The following STAB2 variants were observed in gnomAD, a reference collection of about 807,000 sequenced individuals.
STAB2 encodes the protein stabilin 2, also known as stabilin-2.
Under a neutral mutation model 338.1 loss-of-function variants are expected in STAB2, and 288 were observed. That is an observed-to-expected ratio of 0.85 (90% CI 0.77 to 0.94). The LOEUF (loss-of-function observed/expected upper bound fraction) is 0.94, where lower values mean the gene tolerates loss of function less well. Among genes scored for constraint, STAB2 ranks in the 40% least tolerant of loss-of-function variants. STAB2 has a pLI of 0.00. For missense variants in STAB2, 3,141 were observed against 3,210.1 expected, an observed-to-expected ratio of 0.98 and a Z score of 0.52; for synonymous variants, 1,202 against 1,193.3, an observed-to-expected ratio of 1.01 and a Z score of -0.15.
chr12:103,759,362 A>C, intron 65 of STAB2, 89 bp downstream of exon 65: 1 of 1,522,350 alleles, frequency 6.6e-7, no homozygotes, highest in Non-Finnish European at 8.8e-7. Context: ...GATGGCAACT[A>C]TTATGCAAAC....
chr12:103,739,759 A>T (rs1837659632), intron 54 of STAB2, among the ~76,000 whole-genome samples: 1 of 152,166 alleles, frequency 6.6e-6, no homozygotes, highest in African/African-American at 2.4e-5. Context: ...AAATAGCTGC[A>T]TTTTGTTGGC....
At chr12:103,627,104 T>A (rs1432948976) in intron 5 of STAB2, among the ~76,000 whole-genome samples, 2 of 152,152 alleles carry the variant, frequency 1.3e-5, no homozygotes, top group African/African-American at 2.4e-5. Context: ...CTTTTACGGA[T>A]GAAGAAGCAG....
At chr12:103,742,369 G>A (rs892614675) in intron 55 of STAB2, 36 bp from the exon 56 acceptor site, 1 of 1,609,026 alleles carries the variant, frequency 6.2e-7, no homozygotes, top group Non-Finnish European at 8.5e-7. Flanking sequence ...CTGGCTTTGG[G>A]AGACTGTTGA....
chr12:103,667,653 C>T (rs1875275418), intron 19 of STAB2, among the ~76,000 whole-genome samples: 1 of 152,120 alleles, frequency 6.6e-6, no homozygotes, highest in South Asian at 2.1e-4. Context: ...CCTGAGATTC[C>T]CAAAAGGACT....
At chr12:103,636,196 C>G (rs567882002) in intron 6 of STAB2, among the ~76,000 whole-genome samples, 3 of 128,644 alleles carry the variant, frequency 2.3e-5, no homozygotes, top group Admixed American at 1.6e-4. Context: ...ATCCATCCCC[C>G]CTCCCCCCAC....
rs190468477 is a variant in STAB2 at position 103,690,011 on chromosome 12, G to A, written c.3182+29G>A. ...GGTGTTACTTATTTTATTTTACATC[G>A]TATCTGAATGGCATCTGTGTAAACA... On this transcript the variant is annotated intron_variant, in intron 29 of 68. Transcript: ENST00000388887. 50 of 1,604,258 alleles carry A rather than the reference G, an allele frequency of 3.1e-5. 1 individual carries two copies. Among genetic ancestry groups the A allele is most frequent in the African/African-American group, 4.0e-5 (3 of 74,500 alleles).
chr12:103,766,093 C>G, intron 68 of STAB2, 193 bp from the exon 69 acceptor site: 2 of 734,708 alleles, frequency 2.7e-6, no homozygotes, highest in Non-Finnish European at 4.8e-6. Flanking sequence ...GCAGGAGAGA[C>G]TAAAACAGGT....
At chr12:103,741,938 C>T (rs1414518081) in intron 55 of STAB2, among the ~76,000 whole-genome samples, 1 of 152,236 alleles carries the variant, frequency 6.6e-6, no homozygotes, top group Non-Finnish European at 1.5e-5. Flanking sequence ...CACCCTCCAT[C>T]ACTAAAGTGT....
rs746468070 is a variant in STAB2, at chr12:103,685,459, T to TGTGC, written c.2997+376_2997+377insTGCG. ...GTGTGTGTGTGTGTGTGTGTGCGCG[T>TGTGC]GCGTGTGTGTGTGCGTGCGCGCATG... On this transcript the variant is annotated intron_variant, in intron 27 of 68. Transcript: ENST00000388887. 2.7e-4 allele frequency among the ~76,000 whole-genome samples: 37 copies of TGTGC among 135,536 alleles called. 1 individual carries two copies. Among genetic ancestry groups the TGTGC allele is most frequent in the Non-Finnish European group, 3.3e-4 (20 of 60,130 alleles). 88.9% of individuals were successfully genotyped at this position (135,536 alleles called of 152,430 possible).
Position 103,728,962 on chromosome 12 carries a change from C to A in STAB2, c.5049C>A (p.Leu1683=). Residue 1683 remains leucine (L), a synonymous_variant, in exon 48 of 69, where the codon CTC becomes CTA. Coordinates refer to ENST00000388887, the MANE Select transcript of STAB2 (RefSeq NM_017564.10). ...NLKLISNATS[L]QGEPIVISVS... ...AATTGATCTCAAATGCTACTTCCCT[C>A]CAAGGAGAGCCAATAGTCATCTCCG... 1 of 1,613,990 alleles carries A rather than the reference C, an allele frequency of 6.2e-7. No homozygotes were observed. Among genetic ancestry groups the A allele is most frequent in the Admixed American group, 1.7e-5 (1 of 60,016 alleles).
Position 103,621,986 on chromosome 12 carries a change from C to T in STAB2, c.418-56C>T, listed in dbSNP as rs1957309173. On this transcript the variant is annotated intron_variant, in intron 4 of 68. Transcript: ENST00000388887. ...TGCTGAGTTGGAAATCCAAGGCCTT[C>T]CTTGGTACCATGGGTCACCTTGGGT... The T allele has an allele frequency of 2.5e-6, 4 of 1,576,222 alleles. No individual in the cohort carries two copies. The African/African-American group carries it at 4.1e-5, about 16-fold the overall frequency.
At chr12:103,670,888 G>C in intron 22 of STAB2, 81 bp downstream of exon 22, 2 of 1,143,776 alleles carry the variant, frequency 1.7e-6, no homozygotes, top group Non-Finnish European at 2.6e-6. Flanking sequence ...GTGCAGGGCT[G>C]GTGTCTCAGG....
chr12:103,755,292 A>G lies in STAB2; in HGVS notation c.6715-10A>G, dbSNP rs747206479. The G allele has an allele frequency of 1.2e-6, 2 of 1,613,372 alleles. No homozygotes were observed. Among genetic ancestry groups the G allele is most frequent in the Non-Finnish European group, 1.7e-6 (2 of 1,179,844 alleles). The stretch of plus-strand genomic sequence containing the variant: ...GCAGCTGACCCATGGCCCTGTCTGT[A>G]TCCCTGCAGGCCAAGTACCACCTGT... On this transcript the variant is annotated splice_polypyrimidine_tract_variant and intron_variant, in intron 61 of 68. Coordinates refer to ENST00000388887, the MANE Select transcript of STAB2 (RefSeq NM_017564.10).
chr12:103,711,034 G>C (rs1879807381), intron 39 of STAB2, among the ~76,000 whole-genome samples: 1 of 152,100 alleles, frequency 6.6e-6, no homozygotes, highest in South Asian at 2.1e-4. Flanking sequence ...TTATAGTTTT[G>C]CTTGTTTACA....
At chr12:103,668,970 GGCCCACCCTCT>G in intron 20 of STAB2, 1 of 413,286 alleles carries the variant, frequency 2.4e-6, no homozygotes, top group Non-Finnish European at 4.3e-6. Flanking sequence ...TTCCCCACAT[GGCCCACCCTCT>G]GCCTGTGGCT....
rs1422767588 is a variant in STAB2 at position 103,660,774 on chromosome 12, A to T, written c.1869+11A>T. ...AACACCACCGACAATGTAAGTGAAA[A>T]CTCAACCACCACCAGCATCACTTGA... On this transcript the variant is annotated intron_variant, in intron 17 of 68. Transcript: ENST00000388887. 6.2e-7 allele frequency: 1 copy of T among 1,613,290 alleles called. No homozygotes were observed. The highest frequency in any genetic ancestry group is 1.3e-5 in the African/African-American group (1 of 74,828).
rs369825910 is a variant in STAB2 at position 103,730,645 on chromosome 12, C to CA, written c.5223+397dup. Among the ~76,000 whole-genome samples the CA allele has an allele frequency of 1.1e-3, 166 of 151,842 alleles. 2 individuals carry two copies. The highest frequency in any genetic ancestry group is 0.01 in the Middle Eastern group (3 of 294). On this transcript the variant is annotated intron_variant, in intron 49 of 68. Coordinates refer to ENST00000388887, the MANE Select transcript of STAB2 (RefSeq NM_017564.10). ...GAACACAGAATCCACTACACTTAGA[C>CA]AAAAAAAAGTTTCTTGAGATAGTAG...
rs1384230626 is a variant in STAB2 at position 103,708,468 on chromosome 12, A to G, written c.4220A>G (p.Asn1407Ser). 1 of 1,613,990 alleles carries G rather than the reference A, an allele frequency of 6.2e-7. No individual in the cohort carries two copies. The highest frequency in any genetic ancestry group is 1.3e-5 in the African/African-American group (1 of 74,928). Reference sequence around the variant, plus strand: ...TGTTCTTGTGTCCATGGGAGATGCAACCAAGGACCCTTGGGAGATGGCTCC... The same window carrying G: ...TGTTCTTGTGTCCATGGGAGATGCAGCCAAGGACCCTTGGGAGATGGCTCC... ...QACSCVHGRC[N>S]QGPLGDGSCD... Residue 1407 changes from asparagine to serine, a missense_variant, in exon 39 of 69, where the codon AAC becomes AGC. Transcript: ENST00000388887.
At chr12:103,677,805 G>A (rs998550695) in intron 25 of STAB2, among the ~76,000 whole-genome samples, 194 bp downstream of exon 25, 15 of 152,156 alleles carry the variant, frequency 9.9e-5, no homozygotes, top group Non-Finnish European at 2.9e-5. Flanking sequence ...AGGAAATTGA[G>A]GCAATGAGAA....
Sources: gnomAD v4.1 joint callset for allele counts (sites outside exome capture counted in the v4.1 genomes callset) on GRCh38, gnomAD v4.1.1 for gene constraint, MANE v1.5 for transcripts, NCBI Gene and HGNC (gene_info 2026-07-23, HGNC 2026-07-21) for gene names.